MARCHF8: variants seen among roughly 807,000 people sequenced by gnomAD.
MARCHF8 encodes membrane associated ring-CH-type finger 8, also known as E3 ubiquitin-protein ligase MARCHF8.
Under a neutral mutation model 51.6 loss-of-function variants are expected in MARCHF8, and 40 were observed. That is an observed-to-expected ratio of 0.77 (90% CI 0.60 to 1.01). The LOEUF is 1.01. Among genes scored for constraint, MARCHF8 ranks in the 50% least tolerant of loss-of-function variants. The pLI is 0.00. For synonymous variants in MARCHF8, 263 were observed against 280.3 expected (o/e 0.94, Z 0.62); for missense variants, 685 against 708.6 (o/e 0.97, Z 0.38).
chr10:45,482,273 C>G (rs2042901854), intron 3 of MARCHF8, among the ~76,000 whole-genome samples: 1 of 152,252 alleles, frequency 6.6e-6, no homozygotes, highest in Non-Finnish European at 1.5e-5. Context: ...CAATTGCTAT[C>G]AAAATGTCAA....
rs942879073 is a variant in MARCHF8, at chr10:45,458,162, G to C, written c.*77C>G. 4.3e-6 allele frequency: 6 copies of C among 1,407,382 alleles called. No individual in the cohort carries two copies. Among genetic ancestry groups the C allele is most frequent in the African/African-American group, 1.4e-5 (1 of 69,696 alleles). The allele number at this position is 1,407,382 out of a possible 1,614,324, so 87.2% of individuals were successfully genotyped here. A position where few individuals can be genotyped will look rare whatever the true frequency, so the allele number is the denominator to read the frequency against. On this transcript the variant is annotated 3_prime_UTR_variant, in exon 8 of 8. Coordinates refer to ENST00000453424, the MANE Select transcript of MARCHF8 (RefSeq NM_001282866.2). The stretch of plus-strand genomic sequence containing the variant: ...CAGTCTATGCTATTAAAGGACATAA[G>C]AAAGGTATACAATTGGCAGTAAACA...
Position 45,459,017 on chromosome 10 carries a change from G to A in MARCHF8, c.1417+103C>T, listed in dbSNP as rs138506087. The A allele has an allele frequency of 5.7e-3, 8,387 of 1,480,576 alleles. 30 individuals carry two copies. Among genetic ancestry groups the A allele is most frequent in the Non-Finnish European group, 6.9e-3 (7,555 of 1,088,658 alleles). 91.7% of individuals were successfully genotyped at this position (1,480,576 alleles called of 1,614,324 possible). A position where few individuals can be genotyped will look rare whatever the true frequency, so the allele number is the denominator to read the frequency against. On this transcript the variant is annotated intron_variant, in intron 7 of 7. Transcript: ENST00000453424. ...GCCTCCTAACTGATGTCCCTCCTCCGGAAACCCAGACGTTTTTGGCTAACT... is the reference window on the plus strand; with the variant it reads ...GCCTCCTAACTGATGTCCCTCCTCCAGAAACCCAGACGTTTTTGGCTAACT...
chr10:45,557,769 TG>T (rs1368519308), intron 1 of MARCHF8, among the ~76,000 whole-genome samples: 1 of 152,150 alleles, frequency 6.6e-6, no homozygotes, highest in Admixed American at 6.5e-5. Flanking sequence ...ACTCATTCCA[TG>T]TCTGCATTTA....
chr10:45,543,982 C>T (rs2044088812), intron 1 of MARCHF8, among the ~76,000 whole-genome samples: 1 of 151,880 alleles, frequency 6.6e-6, no homozygotes, highest in Non-Finnish European at 1.5e-5. Flanking sequence ...GCAAGAGGGT[C>T]GTTTGAGCCC....
At chr10:45,540,900 A>T (rs902827581) in intron 1 of MARCHF8, among the ~76,000 whole-genome samples, 12 of 152,250 alleles carry the variant, frequency 7.9e-5, no homozygotes, top group Admixed American at 6.5e-5. Context: ...AATGGCGATC[A>T]TTAAAAAGTC....
intron 2 of MARCHF8, among the ~76,000 whole-genome samples, chr10:45,529,124 G>C (rs568578473): frequency 6.6e-6 from 1 of 152,338 alleles, no homozygotes; most frequent in African/African-American, 2.4e-5. Flanking sequence ...ACAGGTCAAT[G>C]AAACAGCTTA....
At chr10:45,488,874 C>T (rs575035958) in intron 3 of MARCHF8, among the ~76,000 whole-genome samples, 19 of 152,262 alleles carry the variant, frequency 1.2e-4, no homozygotes, top group African/African-American at 4.6e-4. Context: ...CCGCCTTCAC[C>T]CCTTGTTCAG....
At chr10:45,549,409 G>GT (rs2044169011) in intron 1 of MARCHF8, among the ~76,000 whole-genome samples, 1 of 152,156 alleles carries the variant, frequency 6.6e-6, no homozygotes, top group African/African-American at 2.4e-5. Context: ...AGGCTGCTTC[G>GT]CTGGGCTCAG....
At chr10:45,527,271 G>A (rs1183670820) in intron 2 of MARCHF8, among the ~76,000 whole-genome samples, 4 of 151,992 alleles carry the variant, frequency 2.6e-5, no homozygotes, top group East Asian at 1.9e-4. Flanking sequence ...AAGAAATGAT[G>A]AAGAGCAGAA....
chr10:45,544,648 T>A (rs2044098047), intron 1 of MARCHF8, among the ~76,000 whole-genome samples: 1 of 152,212 alleles, frequency 6.6e-6, no homozygotes, highest in Non-Finnish European at 1.5e-5. Context: ...TCCGTTTTTA[T>A]AAAGTGTCTT....
At chr10:45,537,337 A>G (rs2043987417), upstream of MARCHF8, among the ~76,000 whole-genome samples, 1 of 152,198 alleles carries the variant, frequency 6.6e-6, no homozygotes, top group African/African-American at 2.4e-5. Context: ...ACATGCCACA[A>G]TATGGACGAA....
chr10:45,461,145 C>T (rs966248609), intron 6 of MARCHF8, 86 bp downstream of exon 6: 5 of 1,046,040 alleles, frequency 4.8e-6, no homozygotes, highest in Non-Finnish European at 6.6e-6. Context: ...TGAACGCAGG[C>T]AAGCCATGAC....
At chr10:45,517,395 C>T (rs138724529) in intron 2 of MARCHF8, among the ~76,000 whole-genome samples, 2,113 of 152,276 alleles carry the variant, frequency 0.014, 25 homozygotes, top group South Asian at 0.029. Context: ...GGTGGGAGGT[C>T]GACTGGATCA....
upstream of MARCHF8, among the ~76,000 whole-genome samples, chr10:45,539,057 C>T (rs2044014832): frequency 1.3e-5 from 2 of 152,320 alleles, no homozygotes; most frequent in South Asian, 4.1e-4. Context: ...AAATTGACCA[C>T]ATAGTTGGAA....
intron 2 of MARCHF8, among the ~76,000 whole-genome samples, chr10:45,505,993 G>A (rs781129827): frequency 6.6e-6 from 1 of 152,174 alleles, no homozygotes; most frequent in Non-Finnish European, 1.5e-5. Context: ...CAGAAAGGCT[G>A]TTGTCTTTCA....
chr10:45,471,867 A>G (rs1487288191), intron 3 of MARCHF8, among the ~76,000 whole-genome samples: 1 of 152,098 alleles, frequency 6.6e-6, no homozygotes, highest in Admixed American at 6.5e-5. Context: ...TGTGACTACC[A>G]CTCTTGATTC....
intron 2 of MARCHF8, among the ~76,000 whole-genome samples, chr10:45,506,947 T>C (rs1482804381): frequency 1.3e-5 from 2 of 152,238 alleles, no homozygotes; most frequent in African/African-American, 2.4e-5. Flanking sequence ...AGAGGCTATG[T>C]CTTTGGCTCT....
chr10:45,592,531 A>G (rs1244327772), intron 1 of MARCHF8, among the ~76,000 whole-genome samples: 2 of 152,228 alleles, frequency 1.3e-5, no homozygotes, highest in African/African-American at 4.8e-5. Flanking sequence ...AATTTCAGCA[A>G]TATTTTTAAC....
intron 1 of MARCHF8, among the ~76,000 whole-genome samples, chr10:45,554,327 A>C (rs187071267): frequency 2.2e-4 from 34 of 152,336 alleles, no homozygotes; most frequent in African/African-American, 8.2e-4. Context: ...ATAATGGAAA[A>C]ATCAGTATGA....
Sources: allele counts gnomAD v4.1 joint callset (sites outside exome capture counted in the v4.1 genomes callset), GRCh38; gene constraint gnomAD v4.1.1; transcripts MANE v1.5; gene names NCBI Gene and HGNC (gene_info 2026-07-23, HGNC 2026-07-21).